The following PCDHGA3 variants were observed in gnomAD, a reference collection of about 807,000 sequenced individuals.
PCDHGA3 encodes the protein protocadherin gamma subfamily A, 3.
In PCDHGA3, 40 loss-of-function variants were observed where a neutral mutation model predicts 58.5. That is an observed-to-expected ratio of 0.68 (90% CI 0.53 to 0.89). The LOEUF is 0.89. Ranked by LOEUF, PCDHGA3 falls within the 40% of genes least tolerant of loss-of-function variation. PCDHGA3 has a pLI of 0.00. For missense variants in PCDHGA3, 1,223 were observed against 1,195.9 expected (o/e 1.02, Z -0.33); for synonymous variants, 530 against 525.7 (o/e 1.01, Z -0.11).
intron 1 of PCDHGA3, chr5:141,362,068 G>A (rs62621761): frequency 1.2e-6 from 2 of 1,612,460 alleles, no homozygotes; most frequent in South Asian, 1.1e-5. Flanking sequence ...CCTGCTGGTC[G>A]CTGTGCGTGA....
intron 1 of PCDHGA3, chr5:141,399,375 C>T (rs548275013): frequency 1.9e-6 from 3 of 1,614,016 alleles, no homozygotes; most frequent in South Asian, 2.2e-5. Flanking sequence ...AGTACAATGT[C>T]ACCATCACAG....
chr5:141,421,880 G>A (rs761272704), intron 1 of PCDHGA3: 3 of 1,613,600 alleles, frequency 1.9e-6, no homozygotes, highest in East Asian at 4.5e-5. Flanking sequence ...GCTTTAGATG[G>A]AGGCGATCCC....
At chr5:141,365,144 G>A (rs1763761233) in intron 1 of PCDHGA3, 1 of 1,613,746 alleles carries the variant, frequency 6.2e-7, no homozygotes, top group African/African-American at 1.3e-5. Context: ...TCCAGATGAG[G>A]GAATAAACGG....
At position 141,485,430 on chromosome 5, in the gene PCDHGA3, T is replaced by C; in HGVS notation, c.2425-9377T>C. The C allele has an allele frequency of 6.2e-7, 1 of 1,614,138 alleles. No individual in the cohort carries two copies. Among genetic ancestry groups the C allele is most frequent in the Non-Finnish European group, 8.5e-7 (1 of 1,180,022 alleles). On this transcript the variant is annotated intron_variant, in intron 1 of 3. Transcript: ENST00000253812. The surrounding 1 kb of genome is among the most constrained non-coding windows in gnomAD (Gnocchi z 5.7). ...GATTTGGACAGCGGAGCCCTGCTCA[T>C]CAAGAACCCAATCGACCGAGAGGCA... is the stretch of plus-strand genomic sequence containing the variant.
At chr5:141,404,602 G>C (rs749746083) in intron 1 of PCDHGA3, 2 of 1,614,076 alleles carry the variant, frequency 1.2e-6, no homozygotes, top group Admixed American at 1.7e-5. Flanking sequence ...CATTGAGACT[G>C]TTTGTTTTGG....
chr5:141,385,483 A>T (rs981503954), intron 1 of PCDHGA3: 8 of 1,423,220 alleles, frequency 5.6e-6, no homozygotes, highest in Non-Finnish European at 7.3e-6. Context: ...TTAATATAGA[A>T]CACATAGGAT....
In PCDHGA3 at chr5:141,423,465, G is replaced by A. The variant is rs762995150; in HGVS notation, c.2425-71342G>A. On this transcript the variant is annotated intron_variant, in intron 1 of 3. Coordinates refer to ENST00000253812, the MANE Select transcript of PCDHGA3 (RefSeq NM_018916.4). ...CGTCACATTTTGTAGGCGTGGACGG[G>A]GTACAGGCTTTCCTGCAAACCTATT... The A allele has an allele frequency of 2.6e-5, 42 of 1,614,006 alleles. 1 individual carries two copies. The Middle Eastern group carries it at 1.5e-3, about 57-fold the overall frequency.
At chr5:141,473,944 CTGTA>C (rs2099333270) in intron 1 of PCDHGA3, among the ~76,000 whole-genome samples, 2 of 152,156 alleles carry the variant, frequency 1.3e-5, no homozygotes, top group Non-Finnish European at 2.9e-5. Context: ...TAGCTCAGGC[CTGTA>C]GTCCCATCTA....
At chr5:141,482,841 G>A (rs1401298303) in intron 1 of PCDHGA3, among the ~76,000 whole-genome samples, 1 of 139,444 alleles carries the variant, frequency 7.2e-6, no homozygotes, top group Non-Finnish European at 1.5e-5. Flanking sequence ...GGAGGCCAAG[G>A]TGGGCAGATC....
intron 1 of PCDHGA3, chr5:141,393,540 C>G (rs760241344): frequency 6.2e-7 from 1 of 1,613,996 alleles, no homozygotes; most frequent in Admixed American, 1.7e-5. Context: ...CCCGGTTTTT[C>G]CTCACCCGAT....
chr5:141,392,766 C>A, intron 1 of PCDHGA3: 1 of 1,489,084 alleles, frequency 6.7e-7, no homozygotes, highest in South Asian at 1.4e-5. Flanking sequence ...AAATAAGACC[C>A]ATTTATGCAC....
chr5:141,446,633 C>T (rs2098509543), intron 1 of PCDHGA3, among the ~76,000 whole-genome samples: 4 of 152,208 alleles, frequency 2.6e-5, no homozygotes, highest in East Asian at 1.9e-4. Flanking sequence ...TGCACCACCA[C>T]GCCTGGCTAA....
chr5:141,501,715 C>G lies in PCDHGA3; in HGVS notation c.2484-3678C>G, dbSNP rs139761188. On this transcript the variant is annotated intron_variant, in intron 2 of 3. Coordinates refer to ENST00000253812, the MANE Select transcript of PCDHGA3 (RefSeq NM_018916.4). ...AGGGTGATTCCGAGGATAAAAAAGA[C>G]AAATATATTACCCAGTCAGCTTAGA... 1.3e-3 allele frequency among the ~76,000 whole-genome samples: 192 copies of G among 152,192 alleles called. 1 individual carries two copies. The highest frequency in any genetic ancestry group is 4.5e-3 in the African/African-American group (185 of 41,512).
intron 1 of PCDHGA3, chr5:141,351,129 T>A (rs768920923): frequency 6.2e-7 from 1 of 1,614,048 alleles, no homozygotes; most frequent in Admixed American, 1.7e-5. Context: ...CTCTTCAATC[T>A]CAATCCAAAT....
At chr5:141,478,870 G>A (rs1463992722) in intron 1 of PCDHGA3, 6 of 1,273,242 alleles carry the variant, frequency 4.7e-6, no homozygotes, top group Non-Finnish European at 5.2e-6. Flanking sequence ...AGCGATCAGA[G>A]TTTAGCTTGG....
At chr5:141,460,924 A>ATATG (rs1561985817) in intron 1 of PCDHGA3, among the ~76,000 whole-genome samples, 10 of 150,588 alleles carry the variant, frequency 6.6e-5, no homozygotes, top group East Asian at 3.9e-4. Flanking sequence ...ATATATATAT[A>ATATG]TGTGTGTGTG....
At chr5:141,375,348 T>A in intron 1 of PCDHGA3, 1 of 1,613,870 alleles carries the variant, frequency 6.2e-7, no homozygotes, top group Non-Finnish European at 8.5e-7. Flanking sequence ...AACATCACTG[T>A]GACAGCCACG....
Position 141,477,650 on chromosome 5 carries a change from A to C in PCDHGA3, c.2425-17157A>C. The C allele has an allele frequency of 6.2e-7, 1 of 1,614,210 alleles. No homozygotes were observed. Among genetic ancestry groups the C allele is most frequent in the Non-Finnish European group, 8.5e-7 (1 of 1,180,036 alleles). On this transcript the variant is annotated intron_variant, in intron 1 of 3. Coordinates refer to ENST00000253812, the MANE Select transcript of PCDHGA3 (RefSeq NM_018916.4). The surrounding 1 kb of genome is among the most constrained non-coding windows in gnomAD (Gnocchi z 4.9). The stretch of plus-strand genomic sequence containing the variant: ...CGGGCTAGTGGGTCGCTATTTCACA[A>C]TAAATCGTGACAATGGCATAGTGTC...
chr5:141,350,479 C>T (rs376831132), intron 1 of PCDHGA3: 1 of 1,613,916 alleles, frequency 6.2e-7, no homozygotes, highest in Non-Finnish European at 8.5e-7. Flanking sequence ...ATTATTTCAA[C>T]GTTAGTTTGG....
Sources: gnomAD v4.1 joint callset for allele counts (sites outside exome capture counted in the v4.1 genomes callset) on GRCh38, gnomAD v4.1.1 for gene constraint, Gnocchi (gnomAD v3.1) non-coding constraint, MANE v1.5 for transcripts, NCBI Gene and HGNC (gene_info 2026-07-23, HGNC 2026-07-21) for gene names.